GPHN: variants seen among roughly 807,000 people sequenced by gnomAD.
GPHN encodes gephyrin.
Under a neutral mutation model 95.5 loss-of-function variants are expected in GPHN, and 17 were observed. The ratio of observed to expected loss-of-function variants is 0.18; its 90% confidence interval spans 0.12 to 0.27. The LOEUF (loss-of-function observed/expected upper bound fraction) is 0.27. Among genes scored for constraint, GPHN ranks in the 10% least tolerant of loss-of-function variants. GPHN has a pLI of 1.00. For synonymous variants in GPHN, 320 were observed against 322.5 expected, an observed-to-expected ratio of 0.99 and a Z score of 0.08; for missense variants, 660 against 978.1, an observed-to-expected ratio of 0.67 and a Z score of 4.34.
the GPHN span, among the ~76,000 whole-genome samples, chr14:67,531,509 T>C: frequency 6.6e-6 from 1 of 151,996 alleles, no homozygotes; most frequent in South Asian, 2.1e-4. Flanking sequence ...CTGAAAAAAA[T>C]GTGGAGTCTC....
intron 2 of GPHN, among the ~76,000 whole-genome samples, chr14:66,746,744 C>A (rs1170145137): frequency 6.6e-6 from 1 of 152,072 alleles, no homozygotes; most frequent in East Asian, 1.9e-4. Flanking sequence ...CCATTTAGCA[C>A]TGGTGATAAG....
At chr14:67,037,791 A>T (rs1328412272) in intron 10 of GPHN, among the ~76,000 whole-genome samples, 1 of 151,732 alleles carries the variant, frequency 6.6e-6, no homozygotes, top group Non-Finnish European at 1.5e-5. Context: ...AAAAAAAAAA[A>T]ATAGAAAATA....
At chr14:67,571,751 GA>G in the GPHN span, 1 of 1,612,294 alleles carries the variant, frequency 6.2e-7, no homozygotes, top group Non-Finnish European at 8.5e-7. Context: ...CTGTCTTGCA[GA>G]GAGCTACACA....
At chr14:67,604,110 A>G in the GPHN span, among the ~76,000 whole-genome samples, 3 of 152,062 alleles carry the variant, frequency 2.0e-5, no homozygotes, top group Non-Finnish European at 2.9e-5. Context: ...CTTGTGCCTC[A>G]GCCTCCCAAG....
chr14:66,838,603 A>T (rs2061954755), intron 4 of GPHN, among the ~76,000 whole-genome samples: 2 of 152,158 alleles, frequency 1.3e-5, no homozygotes, highest in Non-Finnish European at 2.9e-5. Flanking sequence ...GTGCTAAGAA[A>T]TTAACAACAA....
At chr14:67,246,656 T>G in the GPHN span, among the ~76,000 whole-genome samples, 2 of 147,878 alleles carry the variant, frequency 1.4e-5, no homozygotes, top group Non-Finnish European at 3.0e-5. Context: ...TAGGTTTTTT[T>G]TTTTTTTTTT....
chr14:67,047,367 T>TGTGTGTGTGTGTGTG (rs1280416718), intron 10 of GPHN, among the ~76,000 whole-genome samples: 1 of 82,840 alleles, frequency 1.2e-5, no homozygotes, highest in African/African-American at 3.8e-5. Flanking sequence ...TGTGTGTTTG[T>TGTGTGTGTGTGTGTG]TTTTTTTTTT....
intron 10 of GPHN, among the ~76,000 whole-genome samples, chr14:67,030,584 A>G (rs933422655): frequency 6.6e-6 from 1 of 152,178 alleles, no homozygotes; most frequent in Non-Finnish European, 1.5e-5. Flanking sequence ...CAAAACCTGG[A>G]TAACTCCTAC....
chr14:66,644,756 G>A (rs76950129), intron 1 of GPHN, among the ~76,000 whole-genome samples: 1 of 152,044 alleles, frequency 6.6e-6, no homozygotes, highest in Non-Finnish European at 1.5e-5. Flanking sequence ...CTTAACCACT[G>A]TGCCAGTAAA....
At chr14:67,067,438 A>T (rs1305574535) in intron 11 of GPHN, among the ~76,000 whole-genome samples, 1 of 152,154 alleles carries the variant, frequency 6.6e-6, no homozygotes, top group Non-Finnish European at 1.5e-5. Flanking sequence ...CAGTCTGTCC[A>T]TTCTCAGAGC....
chr14:67,555,726 C>T, the GPHN span: 1 of 1,530,944 alleles, frequency 6.5e-7, no homozygotes, highest in Non-Finnish European at 8.8e-7. Flanking sequence ...GAAGTCTGGC[C>T]TGTGTGCAGT....
intron 11 of GPHN, among the ~76,000 whole-genome samples, chr14:67,064,277 T>C (rs2075950911): frequency 6.6e-6 from 1 of 152,232 alleles, no homozygotes; most frequent in African/African-American, 2.4e-5. Context: ...ATCTCAGGGA[T>C]GAAGCCGACT....
At chr14:67,178,775 A>G (rs907318083) in intron 21 of GPHN, among the ~76,000 whole-genome samples, 1 of 152,188 alleles carries the variant, frequency 6.6e-6, no homozygotes, top group African/African-American at 2.4e-5. Context: ...ATCCTTCCCA[A>G]TTTGTCAAAA....
At chr14:67,203,387 G>T in the GPHN span, 1 of 1,046,094 alleles carries the variant, frequency 9.6e-7, no homozygotes, top group Non-Finnish European at 1.4e-6. Context: ...AATTGCGCCA[G>T]TGGAGCATGT....
chr14:66,576,229 A>G (rs942410911), intron 1 of GPHN, among the ~76,000 whole-genome samples: 1 of 152,162 alleles, frequency 6.6e-6, no homozygotes, highest in Admixed American at 6.5e-5. Flanking sequence ...TGTGCTGGCT[A>G]GCTTGGAGGC....
chr14:66,937,838 G>T (rs866744139), intron 8 of GPHN, among the ~76,000 whole-genome samples: 3 of 152,102 alleles, frequency 2.0e-5, no homozygotes, highest in African/African-American at 7.2e-5. Context: ...ACTTTTAAAG[G>T]TCTCTATTTT....
At chr14:67,403,348 A>G in the GPHN span, among the ~76,000 whole-genome samples, 18 of 152,238 alleles carry the variant, frequency 1.2e-4, no homozygotes, top group Non-Finnish European at 2.5e-4. Flanking sequence ...TCTGATACCC[A>G]GACTCAGAGT....
At chr14:66,643,123 A>G (rs2064524473) in intron 1 of GPHN, among the ~76,000 whole-genome samples, 1 of 152,116 alleles carries the variant, frequency 6.6e-6, no homozygotes, top group African/African-American at 2.4e-5. Flanking sequence ...GCACTTCACA[A>G]ATAGTATATG....
chr14:66,939,924 G>A (rs1418119424), intron 8 of GPHN, among the ~76,000 whole-genome samples: 2 of 152,146 alleles, frequency 1.3e-5, no homozygotes, highest in South Asian at 2.1e-4. Flanking sequence ...GAGAAACCAG[G>A]TTATTAGAAA....
Sources: allele counts gnomAD v4.1 joint callset (sites outside exome capture counted in the v4.1 genomes callset), GRCh38; gene constraint gnomAD v4.1.1; transcripts MANE v1.5; gene names NCBI Gene and HGNC (gene_info 2026-07-23, HGNC 2026-07-21).